Variants in KCNH8 observed in about 807,000 individuals in gnomAD.
KCNH8 encodes the protein voltage-gated delayed rectifier potassium channel KCNH8.
A neutral mutation model predicts 103.6 loss-of-function variants in KCNH8; 70 were observed. The observed-to-expected ratio is 0.68, with a 90% CI of 0.56 to 0.82. The LOEUF (loss-of-function observed/expected upper bound fraction) is 0.82, where lower values mean the gene tolerates loss of function less well. Among genes scored for constraint, KCNH8 ranks in the 40% least tolerant of loss-of-function variants. The pLI, the probability that KCNH8 is intolerant of heterozygous loss-of-function variation, is 0.00. For missense variants in KCNH8, 1,217 were observed against 1,329.9 expected (o/e 0.92, Z 1.32); for synonymous variants, 498 against 489.4 (o/e 1.02, Z -0.23).
At position 19,342,993 on chromosome 3, in the gene KCNH8, G is replaced by A. The variant is rs201432981; in HGVS notation, c.570+279G>A. 1.1e-4 allele frequency among the ~76,000 whole-genome samples: 16 copies of A among 152,112 alleles called. No homozygotes were observed. The East Asian group carries it at 1.5e-3, about 15-fold the overall frequency. The stretch of plus-strand genomic sequence containing the variant: ...TACTAGGGACACTGCAAATGGGGAC[G>A]CACTGGTTACATTTTATGAAACAAA... On this transcript the variant is annotated intron_variant, in intron 4 of 15. Transcript: ENST00000328405.
At chr3:19,191,498 T>C (rs571769355) in intron 1 of KCNH8, among the ~76,000 whole-genome samples, 8 of 151,978 alleles carry the variant, frequency 5.3e-5, no homozygotes, top group Middle Eastern at 3.4e-3. Flanking sequence ...GCAGATTTTG[T>C]TTATTTGTAT....
intron 11 of KCNH8, among the ~76,000 whole-genome samples, chr3:19,477,626 G>A (rs561800108): frequency 3.3e-5 from 5 of 152,166 alleles, no homozygotes; most frequent in African/African-American, 1.2e-4. Flanking sequence ...TTATGGCCAG[G>A]TGGAAGCAAC....
At chr3:19,277,029 A>G (rs2125271057) in intron 2 of KCNH8, among the ~76,000 whole-genome samples, 1 of 152,250 alleles carries the variant, frequency 6.6e-6, no homozygotes, top group Non-Finnish European at 1.5e-5. Context: ...TAAAAAATGA[A>G]GTTCTGTCAT....
chr3:19,390,837 A>T (rs1259870332), intron 6 of KCNH8, among the ~76,000 whole-genome samples, 199 bp downstream of exon 6: 1 of 152,124 alleles, frequency 6.6e-6, no homozygotes, highest in Non-Finnish European at 1.5e-5. Flanking sequence ...TTAGCTGTTC[A>T]TGCTTTTTTC....
intron 1 of KCNH8, among the ~76,000 whole-genome samples, chr3:19,182,155 G>A (rs1010207950): frequency 6.6e-6 from 1 of 152,268 alleles, no homozygotes; most frequent in African/African-American, 2.4e-5. Flanking sequence ...TCAAGAGATG[G>A]AATCTGCTTC....
At chr3:19,258,941 C>CTA (rs1559446903) in intron 2 of KCNH8, among the ~76,000 whole-genome samples, 112 of 64,454 alleles carry the variant, frequency 1.7e-3, no homozygotes, top group African/African-American at 2.2e-3. Flanking sequence ...CTCTCTCTCT[C>CTA]TCTCTCTATA....
intron 1 of KCNH8, among the ~76,000 whole-genome samples, chr3:19,190,386 C>A (rs568968814): frequency 3.3e-5 from 5 of 152,008 alleles, no homozygotes; most frequent in African/African-American, 1.2e-4. Context: ...TAGTTCTATT[C>A]TTGGCTAGTC....
At chr3:19,434,743 A>G (rs2067173181) in intron 7 of KCNH8, among the ~76,000 whole-genome samples, 1 of 152,180 alleles carries the variant, frequency 6.6e-6, no homozygotes, top group Non-Finnish European at 1.5e-5. Context: ...CTTCTTAATT[A>G]CTGTTAAAGT....
At chr3:19,352,308 A>G (rs1222373877) in intron 5 of KCNH8, among the ~76,000 whole-genome samples, 4 of 152,270 alleles carry the variant, frequency 2.6e-5, no homozygotes, top group East Asian at 1.9e-4. Context: ...CCCACTGTCA[A>G]TATTAGACAG....
chr3:19,432,978 G>C (rs17005954), intron 7 of KCNH8, among the ~76,000 whole-genome samples: 5,220 of 152,104 alleles, frequency 0.034, 224 homozygotes, highest in East Asian at 0.21. Flanking sequence ...AGATTGTTTA[G>C]GGTTTTTTTG....
Position 19,352,018 on chromosome 3 carries a change from C to T in KCNH8, c.811+4053C>T, listed in dbSNP as rs144525021. The stretch of plus-strand genomic sequence containing the variant: ...TCTCATGTTCAGAGACACACATAGA[C>T]TCAAAATAAAGGGATGGAGGAAGAC... On this transcript the variant is annotated intron_variant, in intron 5 of 15. Coordinates refer to ENST00000328405, the MANE Select transcript of KCNH8 (RefSeq NM_144633.3). 3.7e-4 allele frequency among the ~76,000 whole-genome samples: 56 copies of T among 152,030 alleles called. 1 individual carries two copies. The East Asian group carries it at 0.011, about 29-fold the overall frequency.
At chr3:19,460,167 T>C (rs930047038) in intron 11 of KCNH8, among the ~76,000 whole-genome samples, 12 of 152,138 alleles carry the variant, frequency 7.9e-5, no homozygotes, top group African/African-American at 2.9e-4. Flanking sequence ...TTTTAGGCTT[T>C]GTTAAGGTGG....
intron 1 of KCNH8, among the ~76,000 whole-genome samples, chr3:19,170,107 G>A (rs2063326563): frequency 6.6e-6 from 1 of 151,972 alleles, no homozygotes; most frequent in Non-Finnish European, 1.5e-5. Flanking sequence ...AATATTTCAT[G>A]CTATCAAATT....
At chr3:19,244,969 C>G (rs1391781211) in intron 1 of KCNH8, among the ~76,000 whole-genome samples, 1 of 152,106 alleles carries the variant, frequency 6.6e-6, no homozygotes, top group African/African-American at 2.4e-5. Flanking sequence ...TAATTACATC[C>G]CACTTGTCAG....
chr3:19,472,361 T>C (rs373354963), intron 11 of KCNH8, among the ~76,000 whole-genome samples: 4 of 152,266 alleles, frequency 2.6e-5, no homozygotes, highest in African/African-American at 9.6e-5. Flanking sequence ...AAATCTCATC[T>C]TGTAGTTCTC....
chr3:19,474,501 A>G (rs576693740), intron 11 of KCNH8, among the ~76,000 whole-genome samples: 2 of 152,314 alleles, frequency 1.3e-5, no homozygotes, highest in South Asian at 4.1e-4. Flanking sequence ...TTTCAAATTA[A>G]GGGGAAAACT....
chr3:19,173,236 A>C (rs1044388885), intron 1 of KCNH8, among the ~76,000 whole-genome samples: 1 of 152,124 alleles, frequency 6.6e-6, no homozygotes, highest in Non-Finnish European at 1.5e-5. Flanking sequence ...ATCAGGGCTT[A>C]GGTCTGTGAG....
intron 1 of KCNH8, among the ~76,000 whole-genome samples, chr3:19,220,300 C>A (rs760602391): frequency 6.6e-6 from 1 of 152,224 alleles, no homozygotes; most frequent in Non-Finnish European, 1.5e-5. Context: ...CAAGCTCATG[C>A]AGGTTGCATC....
At chr3:19,381,970 C>T (rs1161134677) in intron 5 of KCNH8, among the ~76,000 whole-genome samples, 1 of 152,096 alleles carries the variant, frequency 6.6e-6, no homozygotes, top group African/African-American at 2.4e-5. Context: ...TAGACAGGAT[C>T]ATAAAGGAGG....
Sources: allele counts gnomAD v4.1 joint callset (sites outside exome capture counted in the v4.1 genomes callset), GRCh38; gene constraint gnomAD v4.1.1; transcripts MANE v1.5; gene names NCBI Gene and HGNC (gene_info 2026-07-23, HGNC 2026-07-21).